ZNF454: variants seen among roughly 807,000 people sequenced by gnomAD.
ZNF454 encodes zinc finger protein 454.
A neutral mutation model predicts 48.2 loss-of-function variants in ZNF454; 30 were observed. That is an observed-to-expected ratio of 0.62 (90% CI 0.47 to 0.84). The LOEUF is 0.84. Ranked by LOEUF, ZNF454 falls within the 40% of genes least tolerant of loss-of-function variation. The probability of loss-of-function intolerance (pLI) is 0.00; values close to 1 mark genes in which losing one functional copy is unlikely to be tolerated. For synonymous variants in ZNF454, 204 were observed against 211.4 expected (o/e 0.97, Z 0.30); for missense variants, 510 against 623.1 (o/e 0.82, Z 1.93).
chr5:178,972,364 G>T, the ZNF454 span, among the ~76,000 whole-genome samples: 1 of 152,034 alleles, frequency 6.6e-6, no homozygotes, highest in Non-Finnish European at 1.5e-5. Flanking sequence ...ACCCTAAAAG[G>T]TCATTTTTCT....
At chr5:178,985,701 T>TCAA in the ZNF454 span, 128 of 349,216 alleles carry the variant, frequency 3.7e-4, 1 homozygote, top group Admixed American at 4.9e-4. Flanking sequence ...AGACTCTGTC[T>TCAA]AAAAAAAAAA....
chr5:178,985,312 G>A, the ZNF454 span: 4 of 454,010 alleles, frequency 8.8e-6, no homozygotes, highest in East Asian at 2.1e-4. Context: ...CCACCTGACT[G>A]CCCCGTTTTC....
At chr5:178,964,480 C>T (rs909494358) in intron 4 of ZNF454, among the ~76,000 whole-genome samples, 175 bp from the exon 5 acceptor site, 3 of 152,182 alleles carry the variant, frequency 2.0e-5, no homozygotes, top group African/African-American at 7.2e-5. Flanking sequence ...TACATGAGAT[C>T]AACCCCTGCT....
At chr5:178,967,313 G>T (rs1371393731), downstream of ZNF454, among the ~76,000 whole-genome samples, 1 of 152,148 alleles carries the variant, frequency 6.6e-6, no homozygotes, top group Non-Finnish European at 1.5e-5. Flanking sequence ...AGAGGTGAAA[G>T]CCCCAAGGCC....
At chr5:178,972,380 A>G in the ZNF454 span, among the ~76,000 whole-genome samples, 1 of 151,752 alleles carries the variant, frequency 6.6e-6, no homozygotes, top group South Asian at 2.1e-4. Context: ...TTTCTTTCCA[A>G]TTTGGGGAGA....
chr5:178,952,336 T>C (rs577803083), intron 4 of ZNF454, among the ~76,000 whole-genome samples: 31 of 152,312 alleles, frequency 2.0e-4, no homozygotes, highest in African/African-American at 7.5e-4. Flanking sequence ...CGCGCCGAGG[T>C]TGAACATCTT....
chr5:178,960,536 G>A (rs996906313), intron 4 of ZNF454, among the ~76,000 whole-genome samples: 5 of 151,830 alleles, frequency 3.3e-5, no homozygotes, highest in East Asian at 2.0e-4. Context: ...TTACAGGCAT[G>A]AGCCACCACA....
the ZNF454 span, chr5:178,985,872 C>A: frequency 1.8e-6 from 1 of 556,438 alleles, no homozygotes; most frequent in East Asian, 3.3e-5. Flanking sequence ...AGCGATCCTC[C>A]TATTTCAGCC....
chr5:178,947,699 T>A (rs956613497), intron 4 of ZNF454, among the ~76,000 whole-genome samples: 1 of 152,120 alleles, frequency 6.6e-6, no homozygotes, highest in Non-Finnish European at 1.5e-5. Flanking sequence ...TCTCCCTTAA[T>A]CCCCAGTATT....
the ZNF454 span, chr5:178,986,093 C>A: frequency 6.3e-7 from 1 of 1,591,854 alleles, no homozygotes; most frequent in East Asian, 2.2e-5. Flanking sequence ...GGACAGTCCC[C>A]CTCCCTGCCC....
At chr5:178,968,221 G>A (rs1443958485), downstream of ZNF454, among the ~76,000 whole-genome samples, 1 of 152,016 alleles carries the variant, frequency 6.6e-6, no homozygotes. Flanking sequence ...ATATCATGCA[G>A]TGAAGATGGG....
At chr5:178,981,319 G>T in the ZNF454 span, 1 of 285,244 alleles carries the variant, frequency 3.5e-6, no homozygotes, top group South Asian at 4.7e-5. The surrounding 1 kb of genome is among the most constrained non-coding windows in gnomAD (Gnocchi z 5.1). Context: ...GAAATCTCCC[G>T]CAAACCAGGC....
chr5:178,984,019 G>C, the ZNF454 span, among the ~76,000 whole-genome samples: 1 of 152,212 alleles, frequency 6.6e-6, no homozygotes, highest in African/African-American at 2.4e-5. Flanking sequence ...ATGCTTTGCA[G>C]TCATCTGCCC....
the ZNF454 span, among the ~76,000 whole-genome samples, chr5:178,976,923 G>T: frequency 6.6e-6 from 1 of 152,176 alleles, no homozygotes. Context: ...CTGGCAGATT[G>T]TATCAGTGCA....
the ZNF454 span, chr5:178,989,337 A>G: frequency 5.0e-6 from 8 of 1,613,260 alleles, no homozygotes; most frequent in Non-Finnish European, 5.9e-6. Flanking sequence ...TTCTCTTCCC[A>G]GAACTCGGCG....
the ZNF454 span, chr5:178,985,530 T>A: frequency 5.9e-6 from 2 of 337,710 alleles, no homozygotes; most frequent in South Asian, 2.3e-5. Flanking sequence ...GGTGAAGCCC[T>A]GTCTCTACTA....
the ZNF454 span, chr5:178,979,528 G>C: frequency 6.6e-6 from 1 of 152,208 alleles, no homozygotes; most frequent in Non-Finnish European, 1.5e-5. Context: ...TGCCAGAGAG[G>C]CCCACAGGCA....
the ZNF454 span, chr5:178,986,408 C>A: frequency 1.2e-6 from 2 of 1,613,796 alleles, no homozygotes; most frequent in Non-Finnish European, 1.7e-6. Context: ...GAGGCCCGGA[C>A]GATGGGCGTG....
At chr5:178,981,669 C>G in the ZNF454 span, 1 of 1,613,698 alleles carries the variant, frequency 6.2e-7, no homozygotes, top group South Asian at 1.1e-5. The surrounding 1 kb of genome is among the most constrained non-coding windows in gnomAD (Gnocchi z 5.1). Context: ...ACTTGTGGGC[C>G]TCTGCATCCT....
Sources: allele counts gnomAD v4.1 joint callset (sites outside exome capture counted in the v4.1 genomes callset), GRCh38; gene constraint gnomAD v4.1.1; non-coding constraint Gnocchi (gnomAD v3.1); transcripts MANE v1.5; gene names NCBI Gene and HGNC (gene_info 2026-07-23, HGNC 2026-07-21).